Variants in TMEM232 observed in about 807,000 individuals in gnomAD.
TMEM232 encodes transmembrane protein 232.
A neutral mutation model predicts 78.8 loss-of-function variants in TMEM232; 80 were observed. That is an observed-to-expected ratio of 1.01 (90% confidence interval 0.85 to 1.22). TMEM232 has a LOEUF of 1.22. Ranked by LOEUF, TMEM232 falls within the 50% of genes most tolerant of loss-of-function variation. The pLI, the probability that TMEM232 is intolerant of heterozygous loss-of-function variation, is 0.00. For synonymous variants in TMEM232, 297 were observed against 254.3 expected (o/e 1.17, Z -1.60); for missense variants, 881 against 742.2 (o/e 1.19, Z -2.17).
At chr5:110,708,574 CA>C (rs1561548877) in intron 1 of TMEM232, among the ~76,000 whole-genome samples, 5 of 114,606 alleles carry the variant, frequency 4.4e-5, no homozygotes, top group African/African-American at 1.6e-4. Context: ...AGTTAAAAAA[CA>C]GGTGGATGAA....
At chr5:110,477,363 A>G (rs1203245024) in intron 12 of TMEM232, among the ~76,000 whole-genome samples, 1 of 151,894 alleles carries the variant, frequency 6.6e-6, no homozygotes, top group Non-Finnish European at 1.5e-5. Context: ...ATCAACTACT[A>G]TTCATCAATT....
intron 12 of TMEM232, among the ~76,000 whole-genome samples, chr5:110,438,791 T>G (rs1758710100): frequency 6.6e-6 from 1 of 152,118 alleles, no homozygotes; most frequent in African/African-American, 2.4e-5. Flanking sequence ...TAGAGCCATC[T>G]AATTCTTCGG....
chr5:110,645,784 T>G (rs1787399696), intron 2 of TMEM232, among the ~76,000 whole-genome samples: 2 of 151,646 alleles, frequency 1.3e-5, no homozygotes, highest in African/African-American at 2.4e-5. Flanking sequence ...AAATTATCAC[T>G]TCTTGCAAAT....
intron 12 of TMEM232, among the ~76,000 whole-genome samples, chr5:110,462,898 T>C (rs928479451): frequency 1.3e-5 from 2 of 152,158 alleles, no homozygotes; most frequent in African/African-American, 4.8e-5. Flanking sequence ...AATTTGAACA[T>C]ATGTGGAGTT....
rs752956190 is a variant in TMEM232 at position 110,424,880 on chromosome 5, T to C, written c.1740A>G (p.Pro580=). ...CTGCCTTGGTGAAGAAATCTGGATA[T>C]GGAAACATGGGAATTTCTGATACAG... ...HPSVSEIPMF[P]YPDFFTKADK... is the part of the protein sequence containing the mutation. Residue 580 remains proline (P), a synonymous_variant, in exon 13 of 14, where the codon CCA becomes CCG. Transcript: ENST00000455884. 11 of 1,550,362 alleles carry C rather than the reference T, an allele frequency of 7.1e-6. No individual in the cohort carries two copies. The South Asian group carries it at 8.3e-5, about 12-fold the overall frequency.
chr5:110,501,527 A>G (rs981258717), intron 12 of TMEM232, among the ~76,000 whole-genome samples: 1 of 152,178 alleles, frequency 6.6e-6, no homozygotes, highest in Non-Finnish European at 1.5e-5. Flanking sequence ...AGACAAATTT[A>G]TTGCACTCAA....
intron 1 of TMEM232, among the ~76,000 whole-genome samples, chr5:110,690,181 T>C (rs1187225606): frequency 6.6e-6 from 1 of 152,098 alleles, no homozygotes; most frequent in East Asian, 1.9e-4. Context: ...AAAGAAAGTA[T>C]CATCAGAGTG....
At chr5:110,558,218 G>A (rs1775331291) in intron 11 of TMEM232, among the ~76,000 whole-genome samples, 1 of 152,074 alleles carries the variant, frequency 6.6e-6, no homozygotes, top group Non-Finnish European at 1.5e-5. Context: ...TTCTGATGGG[G>A]TATGCCAGCA....
chr5:110,496,336 A>C (rs1765642481), intron 12 of TMEM232, among the ~76,000 whole-genome samples: 1 of 151,978 alleles, frequency 6.6e-6, no homozygotes, highest in South Asian at 2.1e-4. Context: ...GAAGCTGCAA[A>C]ATTTTAATGT....
At chr5:110,555,902 C>T (rs973915180) in intron 11 of TMEM232, among the ~76,000 whole-genome samples, 1 of 152,070 alleles carries the variant, frequency 6.6e-6, no homozygotes, top group Non-Finnish European at 1.5e-5. Context: ...CACGTGAGAT[C>T]GGTCTGTTGA....
At chr5:110,387,602 A>C (rs1449321537) in intron 5 of TMEM232, 1 of 152,202 alleles carries the variant, frequency 6.6e-6, no homozygotes, top group Non-Finnish European at 1.5e-5. Context: ...TATTTATCTA[A>C]CATTCCATTG....
At chr5:110,410,276 T>C (rs1755943105) in intron 2 of TMEM232, among the ~76,000 whole-genome samples, 1 of 152,218 alleles carries the variant, frequency 6.6e-6, no homozygotes, top group African/African-American at 2.4e-5. Flanking sequence ...TTTAACAGTT[T>C]ATTATTAGCT....
chr5:110,480,703 A>G (rs189258329), intron 12 of TMEM232, among the ~76,000 whole-genome samples: 86 of 152,190 alleles, frequency 5.7e-4, no homozygotes, highest in African/African-American at 2.0e-3. Flanking sequence ...AGATGATTCT[A>G]TTTTATACTA....
In TMEM232 at chr5:110,610,477, T is replaced by G. The variant is rs538353980; in HGVS notation, c.903-4190A>C. ...GAGAGGCAGAAGTTGGGAACACATA[T>G]GAACTATGAGTAGTCAATACAAGAC... On this transcript the variant is annotated intron_variant, in intron 8 of 13. Transcript: ENST00000455884. 51 of 437,116 alleles carry G rather than the reference T, an allele frequency of 1.2e-4. 1 individual carries two copies. The highest frequency in any genetic ancestry group is 6.7e-4 in the Middle Eastern group (2 of 2,980). The allele number at this position is 437,116 out of a possible 1,614,324, so 27.1% of individuals were successfully genotyped here.
chr5:110,511,876 T>C (rs951710834), intron 12 of TMEM232, among the ~76,000 whole-genome samples: 1 of 152,148 alleles, frequency 6.6e-6, no homozygotes, highest in Non-Finnish European at 1.5e-5. Context: ...TCTCCCTCTG[T>C]AGTCTTCATG....
intron 11 of TMEM232, among the ~76,000 whole-genome samples, chr5:110,544,206 C>CA (rs1773498589): frequency 6.6e-6 from 1 of 151,914 alleles, no homozygotes; most frequent in Admixed American, 6.6e-5. Context: ...TATTAAGAAA[C>CA]AAATGGGAAT....
At chr5:110,610,220 GAGGGAGGGAAAAAGAAAGGA>G (rs374715399) in intron 8 of TMEM232, among the ~76,000 whole-genome samples, 3 of 116,948 alleles carry the variant, frequency 2.6e-5, no homozygotes, top group East Asian at 5.6e-4. Flanking sequence ...GGAAGGAAGG[GAGGGAGGGAAAAAGAAAGGA>G]AGGAAGGGAG....
chr5:110,712,089 G>A (rs1465150966), intron 1 of TMEM232, among the ~76,000 whole-genome samples: 20 of 122,422 alleles, frequency 1.6e-4, no homozygotes, highest in African/African-American at 6.6e-4. Flanking sequence ...GGGACAGACA[G>A]AGCGAGACTC....
chr5:110,614,877 C>A (rs1782735024), intron 8 of TMEM232, among the ~76,000 whole-genome samples: 1 of 151,856 alleles, frequency 6.6e-6, no homozygotes, highest in Non-Finnish European at 1.5e-5. Flanking sequence ...CAATGAGAAC[C>A]TCTAAATTTT....
Sources: gnomAD v4.1 joint callset for allele counts (sites outside exome capture counted in the v4.1 genomes callset) on GRCh38, gnomAD v4.1.1 for gene constraint, MANE v1.5 for transcripts, NCBI Gene and HGNC (gene_info 2026-07-23, HGNC 2026-07-21) for gene names.